The following CUL2 variants were observed in gnomAD, a reference collection of about 807,000 sequenced individuals.
CUL2 encodes the protein cullin-2.
CUL2 carries 22 observed loss-of-function variants against 110.2 expected under a neutral mutation model. That is an observed-to-expected ratio of 0.20 (90% CI 0.14 to 0.28). The LOEUF (loss-of-function observed/expected upper bound fraction) is 0.28. CUL2 is among the 10% of genes least tolerant of loss of function. CUL2 has a pLI of 1.00. For missense variants in CUL2, 631 were observed against 905.5 expected (o/e 0.70, Z 3.89); for synonymous variants, 279 against 293.2 (o/e 0.95, Z 0.49).
intron 1 of CUL2, among the ~76,000 whole-genome samples, chr10:35,077,699 C>T (rs2086853957): frequency 6.6e-6 from 1 of 151,548 alleles, no homozygotes; most frequent in Admixed American, 6.6e-5. Context: ...TGCCTATAAT[C>T]CCAGCTACTC....
intron 14 of CUL2, among the ~76,000 whole-genome samples, chr10:35,030,408 G>C (rs1436490929): frequency 2.6e-5 from 4 of 151,980 alleles, no homozygotes; most frequent in Non-Finnish European, 5.9e-5. Context: ...TTAGAGGCAG[G>C]ATCTTGCTCT....
At chr10:35,019,585 G>A (rs2085132416) in intron 17 of CUL2, among the ~76,000 whole-genome samples, 1 of 152,108 alleles carries the variant, frequency 6.6e-6, no homozygotes, top group South Asian at 2.1e-4. Context: ...GAATAGGTTG[G>A]CAAACCCTAA....
Position 35,037,767 on chromosome 10 carries a change from C to CA in CUL2, c.877+1152dup, listed in dbSNP as rs578039740. On this transcript the variant is annotated intron_variant, in intron 9 of 20. Coordinates refer to ENST00000374749, the MANE Select transcript of CUL2 (RefSeq NM_003591.4). ...CTGAGGCAGGAGAATCGCTTGAACCCAGGAGGCAGAGGTTATAGTGAACAG... is the reference window on the plus strand; with the variant it reads ...CTGAGGCAGGAGAATCGCTTGAACCCAAGGAGGCAGAGGTTATAGTGAACAG... Among the ~76,000 whole-genome samples, 173 of 152,084 alleles carry CA rather than the reference C, an allele frequency of 1.1e-3. 1 individual carries two copies. In the East Asian group the frequency reaches 0.018, roughly 15 times the overall value.
intron 20 of CUL2, 32 bp from the exon 21 acceptor site, chr10:35,010,474 C>T (rs774553728): frequency 6.3e-7 from 1 of 1,575,024 alleles, no homozygotes; most frequent in South Asian, 1.2e-5. Context: ...CAAACTACTG[C>T]CAGTTCTTCA....
chr10:35,016,067 CG>C, intron 18 of CUL2, 124 bp downstream of exon 18: 1 of 745,704 alleles, frequency 1.3e-6, no homozygotes, highest in Non-Finnish European at 2.2e-6. Context: ...CGTACAGTAA[CG>C]TAGTGAATAC....
At chr10:35,072,918 G>A (rs748435681) in intron 1 of CUL2, among the ~76,000 whole-genome samples, 11 of 152,132 alleles carry the variant, frequency 7.2e-5, no homozygotes, top group African/African-American at 1.7e-4. Flanking sequence ...ATCTTTTCTC[G>A]TCTCCCATCA....
chr10:35,109,560 G>A (rs2087503231), intron 1 of CUL2, among the ~76,000 whole-genome samples: 1 of 152,214 alleles, frequency 6.6e-6, no homozygotes, highest in Non-Finnish European at 1.5e-5. Context: ...ATTAGCTAAG[G>A]CCATTAGGCA....
At chr10:35,023,915 G>C (rs1004004925) in intron 17 of CUL2, among the ~76,000 whole-genome samples, 2 of 152,110 alleles carry the variant, frequency 1.3e-5, no homozygotes, top group African/African-American at 4.8e-5. Context: ...GCTCACTGCA[G>C]CCTCCAGCTC....
chr10:35,049,568 A>G, intron 6 of CUL2, 115 bp downstream of exon 6: 1 of 685,000 alleles, frequency 1.5e-6, no homozygotes. Context: ...AATGAGGCTC[A>G]TTACAGTAAA....
chr10:35,084,761 G>A (rs950763021), intron 1 of CUL2, among the ~76,000 whole-genome samples: 3 of 152,084 alleles, frequency 2.0e-5, no homozygotes, highest in African/African-American at 7.2e-5. Context: ...TTTAACATGA[G>A]CCAGTCATAA....
intron 6 of CUL2, among the ~76,000 whole-genome samples, chr10:35,049,328 G>A (rs1588999197): frequency 1.3e-5 from 2 of 152,154 alleles, no homozygotes; most frequent in South Asian, 2.1e-4. Context: ...TGGTCCTCAC[G>A]AGGATTTAAA....
chr10:35,019,973 G>A (rs535250652), intron 17 of CUL2, among the ~76,000 whole-genome samples: 1 of 151,998 alleles, frequency 6.6e-6, no homozygotes, highest in South Asian at 2.1e-4. Flanking sequence ...GGTGGTTACC[G>A]CCTTCATCAA....
chr10:35,050,598 C>T (rs1689229700), intron 5 of CUL2, among the ~76,000 whole-genome samples: 2 of 152,172 alleles, frequency 1.3e-5, no homozygotes, highest in African/African-American at 2.4e-5. Context: ...CTCCTTTCCC[C>T]TCAGGTTATT....
At chr10:35,057,072 A>T (rs767893710) in intron 4 of CUL2, among the ~76,000 whole-genome samples, 2 of 152,218 alleles carry the variant, frequency 1.3e-5, no homozygotes, top group Non-Finnish European at 2.9e-5. Context: ...CCTATTCAGA[A>T]TTCTACAGGA....
In CUL2 at chr10:35,057,568, A is replaced by T. The variant is rs1321699532; in HGVS notation, c.318-3029T>A. Among the ~76,000 whole-genome samples the T allele has an allele frequency of 2.0e-5, 3 of 151,142 alleles. No individual in the cohort carries two copies. In the East Asian group the frequency reaches 5.9e-4, roughly 30 times the overall value. ...CTCAGGAGGCTGAGGCAGGAGAATC[A>T]CTTGAACCCAGGAGGCGGAGGTTGC... On this transcript the variant is annotated intron_variant, in intron 4 of 20. Coordinates refer to ENST00000374749, the MANE Select transcript of CUL2 (RefSeq NM_003591.4).
At chr10:35,054,239 CAA>C (rs1336910556) in intron 5 of CUL2, among the ~76,000 whole-genome samples, 193 bp downstream of exon 5, 2 of 148,672 alleles carry the variant, frequency 1.3e-5, no homozygotes, top group South Asian at 2.1e-4. Flanking sequence ...ATTTAATTAT[CAA>C]AAGAGTAGTT....
intron 2 of CUL2, among the ~76,000 whole-genome samples, chr10:35,067,249 T>C (rs2086556081): frequency 6.6e-6 from 1 of 152,058 alleles, no homozygotes; most frequent in African/African-American, 2.4e-5. Flanking sequence ...GAAGGCAATA[T>C]TAAGTCTCCC....
At chr10:35,098,776 AC>A (rs1210652884) in intron 2 of CUL2, among the ~76,000 whole-genome samples, 1 of 151,440 alleles carries the variant, frequency 6.6e-6, no homozygotes, top group African/African-American at 2.4e-5. Context: ...ACTAAAAAAA[AC>A]CAAAAAATTA....
chr10:35,104,386 C>T (rs2087427054), intron 1 of CUL2, among the ~76,000 whole-genome samples: 1 of 152,156 alleles, frequency 6.6e-6, no homozygotes, highest in Non-Finnish European at 1.5e-5. Context: ...TTCAAGGCTG[C>T]AGTGAACCAA....
Sources: allele counts gnomAD v4.1 joint callset (sites outside exome capture counted in the v4.1 genomes callset), GRCh38; gene constraint gnomAD v4.1.1; transcripts MANE v1.5; gene names NCBI Gene and HGNC (gene_info 2026-07-23, HGNC 2026-07-21).